AGMO: variants seen among roughly 807,000 people sequenced by gnomAD.
AGMO encodes alkylglycerol monooxygenase.
A neutral mutation model predicts 60.2 loss-of-function variants in AGMO; 75 were observed. That is an observed-to-expected ratio of 1.25 (90% CI 1.03 to 1.51). The LOEUF is 1.51. Among genes scored for constraint, AGMO ranks in the 40% most tolerant of loss-of-function variants. AGMO has a pLI of 0.00. For missense variants in AGMO, 763 were observed against 525.5 expected, an observed-to-expected ratio of 1.45 and a Z score of -4.42; for synonymous variants, 261 against 177.1, an observed-to-expected ratio of 1.47 and a Z score of -3.76.
chr7:15,131,163 A>G, the AGMO span, among the ~76,000 whole-genome samples: 1 of 152,162 alleles, frequency 6.6e-6, no homozygotes, highest in African/African-American at 2.4e-5. Context: ...GTCTCGGTTT[A>G]AACAATGATT....
At chr7:15,499,611 C>T (rs1073017) in intron 3 of AGMO, among the ~76,000 whole-genome samples, 4,287 of 151,888 alleles carry the variant, frequency 0.028, 201 homozygotes, top group African/African-American at 0.096. Flanking sequence ...ACCACATATT[C>T]ATTTCCCCTT....
intron 4 of AGMO, among the ~76,000 whole-genome samples, chr7:15,419,849 G>A (rs970752171): frequency 4.6e-5 from 7 of 152,004 alleles, no homozygotes; most frequent in East Asian, 3.9e-4. Context: ...AATTAGTGGC[G>A]GAGGGGAAAA....
intron 12 of AGMO, among the ~76,000 whole-genome samples, chr7:15,258,799 G>C (rs1210623106): frequency 6.6e-6 from 1 of 152,042 alleles, no homozygotes; most frequent in Non-Finnish European, 1.5e-5. Context: ...TAGCTCTGCT[G>C]GGTGGCTAGA....
intron 3 of AGMO, among the ~76,000 whole-genome samples, chr7:15,516,266 T>C (rs1158710393): frequency 6.6e-6 from 1 of 152,084 alleles, no homozygotes; most frequent in East Asian, 1.9e-4. Flanking sequence ...GAGAAGATGG[T>C]GAGGGAAGCA....
intron 3 of AGMO, among the ~76,000 whole-genome samples, chr7:15,482,432 A>G (rs1314209388): frequency 6.6e-6 from 1 of 152,176 alleles, no homozygotes; most frequent in African/African-American, 2.4e-5. Context: ...CTACAAACAA[A>G]AATATATCAA....
At chr7:15,137,673 A>G in the AGMO span, among the ~76,000 whole-genome samples, 6 of 152,132 alleles carry the variant, frequency 3.9e-5, no homozygotes, top group African/African-American at 1.4e-4. Context: ...ATAGCAGAAG[A>G]TTAGTAGGAA....
In AGMO at chr7:15,431,101, A is replaced by G; in HGVS notation, c.417T>C (p.Asn139=). 6.2e-7 allele frequency: 1 copy of G among 1,609,608 alleles called. No individual in the cohort carries two copies. The highest frequency in any genetic ancestry group is 2.2e-5 in the East Asian group (1 of 44,762). ...YWFHRMAHEV[N]IMWAGHQTHH... ...GTGTTTGGTGTCCGGCCCACATAAT[A>G]TTAACTTCTGCAAAACACATAATTT... Residue 139 remains asparagine (N), a synonymous_variant, in exon 4 of 13, where the codon AAT becomes AAC. Coordinates refer to ENST00000342526, the MANE Select transcript of AGMO (RefSeq NM_001004320.2).
Position 15,345,687 on chromosome 7 carries a change from C to T in AGMO, c.1263+19827G>A, listed in dbSNP as rs541224762. Among the ~76,000 whole-genome samples the T allele has an allele frequency of 1.9e-4, 29 of 152,190 alleles. No homozygotes were observed. In the Middle Eastern group the frequency reaches 0.01, roughly 54 times the overall value. Reference sequence around the variant, plus strand: ...AAATATTTACCATGTACCCTAAGTTCTTTATACACAGAATTTCATTTAATT... The same window carrying T: ...AAATATTTACCATGTACCCTAAGTTTTTTATACACAGAATTTCATTTAATT... On this transcript the variant is annotated intron_variant, in intron 12 of 12. Transcript: ENST00000342526.
At chr7:15,366,038 T>C in intron 11 of AGMO, 102 bp downstream of exon 11, 5 of 805,634 alleles carry the variant, frequency 6.2e-6, no homozygotes, top group Middle Eastern at 5.8e-4. Flanking sequence ...ATATTTATTT[T>C]TAAAACTACA....
At chr7:15,316,609 T>TACACAC (rs67680341) in intron 12 of AGMO, among the ~76,000 whole-genome samples, 14 of 151,336 alleles carry the variant, frequency 9.3e-5, no homozygotes, top group Non-Finnish European at 1.8e-4. Context: ...CCAACAAATA[T>TACACAC]ACACACACAC....
At chr7:15,178,989 T>A in the AGMO span, among the ~76,000 whole-genome samples, 1 of 152,148 alleles carries the variant, frequency 6.6e-6, no homozygotes, top group African/African-American at 2.4e-5. Flanking sequence ...AGCCCATTCC[T>A]GTAATAATGG....
At chr7:15,319,522 A>T (rs1781040968) in intron 12 of AGMO, among the ~76,000 whole-genome samples, 2 of 152,168 alleles carry the variant, frequency 1.3e-5, no homozygotes, top group South Asian at 4.1e-4. Context: ...TTATGGAGAA[A>T]AAGTCTCATG....
At chr7:15,309,883 C>G (rs1301829241) in intron 12 of AGMO, among the ~76,000 whole-genome samples, 2 of 152,132 alleles carry the variant, frequency 1.3e-5, no homozygotes, top group Non-Finnish European at 2.9e-5. Flanking sequence ...ATACTGGCTC[C>G]AGGTTCAGCA....
the AGMO span, among the ~76,000 whole-genome samples, chr7:15,168,047 C>G: frequency 6.6e-6 from 1 of 152,314 alleles, no homozygotes; most frequent in East Asian, 1.9e-4. Context: ...CATGCAAGCT[C>G]ACGGGCCTTA....
At chr7:15,546,997 G>A (rs1247537563) in intron 2 of AGMO, among the ~76,000 whole-genome samples, 1 of 152,078 alleles carries the variant, frequency 6.6e-6, no homozygotes, top group Non-Finnish European at 1.5e-5. Flanking sequence ...CAAGTTTTAG[G>A]TTAAAAATGG....
At chr7:15,523,683 G>T (rs561540174) in intron 3 of AGMO, among the ~76,000 whole-genome samples, 1 of 152,046 alleles carries the variant, frequency 6.6e-6, no homozygotes, top group South Asian at 2.1e-4. Context: ...GGCCTGTCTG[G>T]TGGTGGAGTC....
intron 2 of AGMO, among the ~76,000 whole-genome samples, chr7:15,559,613 C>A (rs900985690): frequency 1.3e-5 from 2 of 152,102 alleles, no homozygotes; most frequent in African/African-American, 2.4e-5. Context: ...AAACAATGTT[C>A]TCTATAGTTC....
rs570367948 is a variant in AGMO at position 15,402,541 on chromosome 7, C to T, written c.610-8362G>A. Reference sequence around the variant, plus strand: ...CATATTCTCATTTGCAGATGGAAAACCTGAAGGGCACAAATCTTATGTATT... The same window carrying T: ...CATATTCTCATTTGCAGATGGAAAATCTGAAGGGCACAAATCTTATGTATT... On this transcript the variant is annotated intron_variant, in intron 5 of 12. Coordinates refer to ENST00000342526, the MANE Select transcript of AGMO (RefSeq NM_001004320.2). Among the ~76,000 whole-genome samples, 281 of 149,304 alleles carry T rather than the reference C, an allele frequency of 1.9e-3. 1 individual carries two copies. Among genetic ancestry groups the T allele is most frequent in the Non-Finnish European group, 2.8e-3 (190 of 67,396 alleles).
chr7:15,283,471 A>G (rs998462344), intron 12 of AGMO, among the ~76,000 whole-genome samples: 1 of 152,056 alleles, frequency 6.6e-6, no homozygotes, highest in African/African-American at 2.4e-5. Context: ...AAGAAACAAC[A>G]GTTTAAAAAA....
Sources: gnomAD v4.1 joint callset for allele counts (sites outside exome capture counted in the v4.1 genomes callset) on GRCh38, gnomAD v4.1.1 for gene constraint, MANE v1.5 for transcripts, NCBI Gene and HGNC (gene_info 2026-07-23, HGNC 2026-07-21) for gene names.